TMEM26: variants seen among roughly 807,000 people sequenced by gnomAD.
The protein encoded by TMEM26 is transmembrane protein 26.
In TMEM26, 38 loss-of-function variants were observed where a neutral mutation model predicts 28.8. The observed-to-expected ratio is 1.32, with a 90% confidence interval of 1.02 to 1.73. TMEM26 has a LOEUF of 1.73. TMEM26 is among the 40% of genes most tolerant of loss of function. The probability of loss-of-function intolerance (pLI) is 0.00; values close to 1 mark genes in which losing one functional copy is unlikely to be tolerated. For missense variants in TMEM26, 518 were observed against 447.1 expected (o/e 1.16, Z -1.43); for synonymous variants, 227 against 182.9 (o/e 1.24, Z -1.95).
chr10:61,423,708 G>A lies in TMEM26; in HGVS notation c.605+5218C>T, dbSNP rs116827586. Among the ~76,000 whole-genome samples the A allele has an allele frequency of 8.1e-3, 1,237 of 152,038 alleles. 12 individuals carry two copies. Among genetic ancestry groups the A allele is most frequent in the African/African-American group, 0.024 (995 of 41,490 alleles). ...ATCACACTGGGTGGTGCCTAGACCCGGGCTAAAGGGCAAGACCCTGTCTCA... is the reference window on the plus strand; with the variant it reads ...ATCACACTGGGTGGTGCCTAGACCCAGGCTAAAGGGCAAGACCCTGTCTCA... On this transcript the variant is annotated intron_variant, in intron 4 of 5. Transcript: ENST00000399298.
At chr10:61,446,142 A>G (rs1589045571) in intron 1 of TMEM26, among the ~76,000 whole-genome samples, 1 of 152,332 alleles carries the variant, frequency 6.6e-6, no homozygotes, top group East Asian at 1.9e-4. Context: ...TAATTATTAC[A>G]TTGATCTGAA....
intron 3 of TMEM26, 86 bp from the exon 4 acceptor site, chr10:61,429,232 G>T: frequency 8.6e-7 from 1 of 1,160,206 alleles, no homozygotes; most frequent in Non-Finnish European, 1.2e-6. Flanking sequence ...TCAATCAAGA[G>T]TTTGCTTTTG....
At chr10:61,428,057 C>T (rs895398400) in intron 4 of TMEM26, among the ~76,000 whole-genome samples, 24 of 151,960 alleles carry the variant, frequency 1.6e-4, no homozygotes, top group African/African-American at 5.3e-4. Context: ...ATAATTTGTG[C>T]TATAATTGGG....
At chr10:61,418,541 C>A (rs762491403) in intron 4 of TMEM26, among the ~76,000 whole-genome samples, 11 of 151,918 alleles carry the variant, frequency 7.2e-5, no homozygotes, top group Non-Finnish European at 1.6e-4. Context: ...AACAAAAAAA[C>A]CCTGTCTAAG....
At chr10:61,420,341 GGGTGGAAGA>G (rs1383157061) in intron 4 of TMEM26, among the ~76,000 whole-genome samples, 4 of 152,174 alleles carry the variant, frequency 2.6e-5, no homozygotes, top group South Asian at 2.1e-4. Flanking sequence ...GCTATCTCTG[GGGTGGAAGA>G]GGTGGAAGAG....
intron 1 of TMEM26, among the ~76,000 whole-genome samples, chr10:61,452,036 G>A (rs957087252): frequency 2.0e-5 from 3 of 151,822 alleles, no homozygotes; most frequent in African/African-American, 7.3e-5. Context: ...AGAATTAAAA[G>A]AGAAAGAGGC....
At chr10:61,430,966 T>C (rs1839911693) in intron 3 of TMEM26, among the ~76,000 whole-genome samples, 1 of 152,064 alleles carries the variant, frequency 6.6e-6, no homozygotes, top group Non-Finnish European at 1.5e-5. Context: ...ACATATTATC[T>C]TCTTTATGTG....
intron 5 of TMEM26, among the ~76,000 whole-genome samples, chr10:61,412,314 C>T (rs193302522): frequency 9.9e-5 from 15 of 152,074 alleles, no homozygotes; most frequent in African/African-American, 3.1e-4. Context: ...CCGTTTTTGG[C>T]ATTTCTTAAA....
intron 2 of TMEM26, among the ~76,000 whole-genome samples, chr10:61,433,914 A>C (rs1214739011): frequency 6.6e-6 from 1 of 152,036 alleles, no homozygotes; most frequent in Non-Finnish European, 1.5e-5. Flanking sequence ...AAATTACTGA[A>C]CCTTTCTGAG....
intron 1 of TMEM26, among the ~76,000 whole-genome samples, chr10:61,442,432 T>C (rs1004731793): frequency 1.3e-5 from 2 of 152,210 alleles, no homozygotes; most frequent in African/African-American, 4.8e-5. Flanking sequence ...CTACCCTGTT[T>C]AGTTTTTCTC....
Position 61,435,055 on chromosome 10 carries a change from C to T in TMEM26, c.270+1115G>A, listed in dbSNP as rs568072071. On this transcript the variant is annotated intron_variant, in intron 2 of 5. Transcript: ENST00000399298. ...CAGATGGACTTTAGAAACTTGGCCTCCCCAGAGTTGTACAGGAACATCAAC... is the reference window on the plus strand; with the variant it reads ...CAGATGGACTTTAGAAACTTGGCCTTCCCAGAGTTGTACAGGAACATCAAC... 3.3e-5 allele frequency among the ~76,000 whole-genome samples: 5 copies of T among 152,284 alleles called. No homozygotes were observed. The South Asian group carries it at 1.0e-3, about 32-fold the overall frequency.
intron 1 of TMEM26, among the ~76,000 whole-genome samples, chr10:61,441,852 G>A (rs1840098217): frequency 6.6e-6 from 1 of 152,080 alleles, no homozygotes; most frequent in Admixed American, 6.5e-5. Context: ...AAATTACTTT[G>A]CTCAACTATA....
At chr10:61,446,029 T>C (rs1410580089) in intron 1 of TMEM26, among the ~76,000 whole-genome samples, 2 of 152,122 alleles carry the variant, frequency 1.3e-5, no homozygotes, top group Non-Finnish European at 2.9e-5. Context: ...ATCAGTAAAC[T>C]TAATTTTCAG....
intron 4 of TMEM26, among the ~76,000 whole-genome samples, chr10:61,422,518 T>A (rs1839766410): frequency 6.6e-6 from 1 of 152,110 alleles, no homozygotes; most frequent in Admixed American, 6.6e-5. Flanking sequence ...AAGATCCCTA[T>A]ATATTCAGAA....
intron 1 of TMEM26, among the ~76,000 whole-genome samples, chr10:61,438,006 A>G (rs933398059): frequency 6.6e-6 from 1 of 152,186 alleles, no homozygotes; most frequent in Non-Finnish European, 1.5e-5. Context: ...ATAATTCAGG[A>G]GAGAAAAGTG....
chr10:61,451,657 G>C (rs1840282419), intron 1 of TMEM26, among the ~76,000 whole-genome samples: 2 of 152,112 alleles, frequency 1.3e-5, no homozygotes, highest in Non-Finnish European at 2.9e-5. Context: ...TTCTTCATGG[G>C]GGTGGGGAGG....
intron 4 of TMEM26, among the ~76,000 whole-genome samples, chr10:61,421,310 T>A (rs1839743528): frequency 6.7e-6 from 1 of 149,960 alleles, no homozygotes. Flanking sequence ...ATAAAAAGGA[T>A]GTGAGACATA....
chr10:61,433,997 T>A (rs1433234146), intron 2 of TMEM26, among the ~76,000 whole-genome samples: 1 of 152,108 alleles, frequency 6.6e-6, no homozygotes, highest in Non-Finnish European at 1.5e-5. Flanking sequence ...GGTCCATATA[T>A]GTGAAAACAT....
At chr10:61,418,366 A>G (rs1199793961) in intron 4 of TMEM26, among the ~76,000 whole-genome samples, 2 of 152,000 alleles carry the variant, frequency 1.3e-5, no homozygotes, top group Admixed American at 1.3e-4. Flanking sequence ...CTGCATTTTA[A>G]ACAGATGGCT....
Sources: allele counts gnomAD v4.1 joint callset (sites outside exome capture counted in the v4.1 genomes callset), GRCh38; gene constraint gnomAD v4.1.1; transcripts MANE v1.5; gene names NCBI Gene and HGNC (gene_info 2026-07-23, HGNC 2026-07-21).